TFDP2: variants seen among roughly 807,000 people sequenced by gnomAD.
The protein encoded by TFDP2 is transcription factor Dp-2, also known as transcription factor Dp-2 (E2F dimerization partner 2).
Under a neutral mutation model 59.3 loss-of-function variants are expected in TFDP2, and 17 were observed. That is an observed-to-expected ratio of 0.29 (90% confidence interval 0.20 to 0.43). The LOEUF is 0.43. TFDP2 is among the 20% of genes least tolerant of loss of function. The pLI is 1.00. For missense variants in TFDP2, 391 were observed against 528.8 expected, an observed-to-expected ratio of 0.74 and a Z score of 2.56; for synonymous variants, 180 against 194.7, an observed-to-expected ratio of 0.92 and a Z score of 0.63.
intron 3 of TFDP2, among the ~76,000 whole-genome samples, chr3:142,014,544 C>T (rs917897093): frequency 1.3e-5 from 2 of 152,024 alleles, no homozygotes; most frequent in African/African-American, 4.8e-5. Flanking sequence ...GTAAACTATA[C>T]CTTAATAAAA....
chr3:142,020,451 C>A (rs1328239956), intron 3 of TFDP2, among the ~76,000 whole-genome samples: 1 of 151,540 alleles, frequency 6.6e-6, no homozygotes, highest in Non-Finnish European at 1.5e-5. Context: ...AGGAGAATTG[C>A]TTGCACTCGG....
At chr3:142,106,331 G>A (rs532557568) in intron 1 of TFDP2, among the ~76,000 whole-genome samples, 2 of 152,312 alleles carry the variant, frequency 1.3e-5, no homozygotes, top group East Asian at 3.9e-4. Flanking sequence ...AAACAAATGG[G>A]ATTGTGATAG....
intron 6 of TFDP2, among the ~76,000 whole-genome samples, chr3:141,986,623 A>G (rs961315480): frequency 1.3e-5 from 2 of 152,096 alleles, no homozygotes; most frequent in East Asian, 3.9e-4. Flanking sequence ...TTTCTTGTAC[A>G]TGTTTTTGGT....
rs186868836 is a variant in TFDP2 at position 141,959,394 on chromosome 3, G to A, written c.1051+280C>T. 1.6e-4 allele frequency among the ~76,000 whole-genome samples: 25 copies of A among 152,206 alleles called. No individual in the cohort carries two copies. In the South Asian group the frequency reaches 2.5e-3, roughly 15 times the overall value. ...AACTAGGCTCTAAGCTAGGTACTGG[G>A]AATTACAAGATCTCTCTGAAGAGCC... On this transcript the variant is annotated intron_variant, in intron 11 of 12. Coordinates refer to ENST00000489671, the MANE Select transcript of TFDP2 (RefSeq NM_001178139.2).
intron 1 of TFDP2, among the ~76,000 whole-genome samples, chr3:142,104,264 T>C (rs1022405842): frequency 1.3e-5 from 2 of 152,186 alleles, no homozygotes; most frequent in African/African-American, 4.8e-5. Flanking sequence ...TAAATTTAAA[T>C]GTAAGATAAA....
chr3:142,006,582 C>T (rs550394857), intron 3 of TFDP2, among the ~76,000 whole-genome samples: 11 of 151,832 alleles, frequency 7.2e-5, no homozygotes, highest in African/African-American at 2.4e-4. Flanking sequence ...GATCCTCCCA[C>T]CTCAGCCTCC....
intron 2 of TFDP2, among the ~76,000 whole-genome samples, chr3:142,099,274 C>T (rs1036372903): frequency 2.6e-5 from 4 of 152,152 alleles, no homozygotes; most frequent in African/African-American, 4.8e-5. Flanking sequence ...TTTGAGTGTC[C>T]TTTATGGCTT....
intron 3 of TFDP2, chr3:142,043,987 G>T: frequency 1.4e-6 from 1 of 709,564 alleles, no homozygotes; most frequent in Non-Finnish European, 2.6e-6. Context: ...CCTGCCTTCC[G>T]GCGGGCCAAG....
At chr3:141,973,760 T>C (rs1940200311) in intron 8 of TFDP2, among the ~76,000 whole-genome samples, 1 of 151,286 alleles carries the variant, frequency 6.6e-6, no homozygotes, top group Admixed American at 6.6e-5. Context: ...AGTTTATTAG[T>C]AGAGTGCTCA....
At chr3:142,084,656 G>C (rs550897861) in intron 3 of TFDP2, among the ~76,000 whole-genome samples, 1 of 152,196 alleles carries the variant, frequency 6.6e-6, no homozygotes. Context: ...AAAAAAATGA[G>C]ATCCTGTCAT....
intron 1 of TFDP2, among the ~76,000 whole-genome samples, chr3:142,136,185 G>A (rs1248167480): frequency 6.6e-6 from 1 of 152,000 alleles, no homozygotes; most frequent in Non-Finnish European, 1.5e-5. Flanking sequence ...GTGTCTGCTG[G>A]CTGCATAGAT....
At chr3:142,145,641 G>C (rs2063143079) in intron 1 of TFDP2, 1 of 151,996 alleles carries the variant, frequency 6.6e-6, no homozygotes, top group African/African-American at 2.4e-5. Context: ...CGGGAGGCTG[G>C]AGAAGGAGAA....
chr3:142,143,128 T>C (rs113328585), intron 1 of TFDP2, among the ~76,000 whole-genome samples: 1 of 152,168 alleles, frequency 6.6e-6, no homozygotes, highest in African/African-American at 2.4e-5. Flanking sequence ...CCCAGCTACT[T>C]GGGTGGCTGA....
chr3:141,970,189 A>C, intron 8 of TFDP2, 48 bp from the exon 9 acceptor site: 2 of 1,563,556 alleles, frequency 1.3e-6, no homozygotes, highest in Non-Finnish European at 1.8e-6. Flanking sequence ...TAGACTATAA[A>C]ATATCGTTCA....
intron 3 of TFDP2, among the ~76,000 whole-genome samples, chr3:142,073,472 C>CCCCCA (rs1553796689): frequency 1.9e-5 from 1 of 52,502 alleles, no homozygotes; most frequent in Non-Finnish European, 3.6e-5. Context: ...CCCCCCCCCG[C>CCCCCA]AAAAAAAAAA....
chr3:142,099,528 C>T lies in TFDP2; in HGVS notation c.15+2207G>A, dbSNP rs150995402. Among the ~76,000 whole-genome samples the T allele has an allele frequency of 2.3e-4, 35 of 151,980 alleles. No individual in the cohort carries two copies. In the East Asian group the frequency reaches 6.6e-3, roughly 29 times the overall value. ...ACCAGCCTGACCAACATGGAGAAAC[C>T]CCGTCTCTACTAAAAATACAAAATT... On this transcript the variant is annotated intron_variant, in intron 2 of 12. Coordinates refer to ENST00000489671, the MANE Select transcript of TFDP2 (RefSeq NM_001178139.2).
At chr3:142,023,396 G>T (rs958984386) in intron 3 of TFDP2, among the ~76,000 whole-genome samples, 2 of 150,800 alleles carry the variant, frequency 1.3e-5, no homozygotes, top group African/African-American at 2.4e-5. Context: ...TCGCCATGTT[G>T]TCCAGGCTGG....
At chr3:141,988,508 T>C (rs551947461) in intron 6 of TFDP2, among the ~76,000 whole-genome samples, 1 of 152,202 alleles carries the variant, frequency 6.6e-6, no homozygotes, top group African/African-American at 2.4e-5. Flanking sequence ...TTAGCCCCTC[T>C]AGTTCTCCTG....
intron 2 of TFDP2, among the ~76,000 whole-genome samples, chr3:142,100,803 CAGAG>C (rs2061296520): frequency 6.6e-6 from 1 of 152,112 alleles, no homozygotes; most frequent in South Asian, 2.1e-4. Context: ...GACAGACAGA[CAGAG>C]GGAGAAATGA....
Sources: gnomAD v4.1 joint callset for allele counts (sites outside exome capture counted in the v4.1 genomes callset) on GRCh38, gnomAD v4.1.1 for gene constraint, MANE v1.5 for transcripts, NCBI Gene and HGNC (gene_info 2026-07-23, HGNC 2026-07-21) for gene names.